Variants in KANSL1L observed in about 807,000 individuals in gnomAD.
The protein encoded by KANSL1L is KAT8 regulatory NSL complex subunit 1 like, also known as KAT8 regulatory NSL complex subunit 1-like protein.
A neutral mutation model predicts 108.6 loss-of-function variants in KANSL1L; 25 were observed. The ratio of observed to expected loss-of-function variants is 0.23; its 90% CI spans 0.17 to 0.32. The LOEUF is 0.32. KANSL1L is among the 10% of genes least tolerant of loss of function. The pLI is 1.00. For missense variants in KANSL1L, 1,137 were observed against 1,125.7 expected, an observed-to-expected ratio of 1.01 and a Z score of -0.14; for synonymous variants, 405 against 395.1, an observed-to-expected ratio of 1.03 and a Z score of -0.30.
intron 4 of KANSL1L, among the ~76,000 whole-genome samples, chr2:210,099,829 G>A (rs752694395): frequency 4.8e-4 from 73 of 152,098 alleles, no homozygotes; most frequent in Non-Finnish European, 7.8e-4. Context: ...TCACATACCC[G>A]AGTCATATGG....
At chr2:210,062,475 T>C (rs1166368072) in intron 6 of KANSL1L, among the ~76,000 whole-genome samples, 1 of 152,174 alleles carries the variant, frequency 6.6e-6, no homozygotes, top group Non-Finnish European at 1.5e-5. Flanking sequence ...ACTGGGAGGT[T>C]GGAACAGCTT....
rs575813060 is a variant in KANSL1L, at chr2:210,075,652, G to C, written c.1655C>G (p.Ser552Cys). The C allele has an allele frequency of 7.8e-5, 126 of 1,613,666 alleles. No homozygotes were observed. The Middle Eastern group carries it at 1.5e-3, about 19-fold the overall frequency. The change falls in exon 6 of 15, where the codon TCC becomes TGC. Residue 552 changes from serine (S) to cysteine (C), a missense_variant. Ser to Cys is a moderately radical substitution (Grantham distance 112, BLOSUM62 -1). Around this residue, in one of 3 missense-constraint regions of KANSL1L, gnomAD observed 575 missense variants for 567.1 expected, o/e 1.01. Transcript: ENST00000281772. ...GGCTGATGTACTCATGAAAGTCAAG[G>C]ATGAAGATTTCAGTCTTGTCCTGTC... Reference protein sequence around the residue: ...RKDRTRLKSSSLTFMSTSART... With the variant: ...RKDRTRLKSSCLTFMSTSART...
intron 3 of KANSL1L, among the ~76,000 whole-genome samples, chr2:210,124,093 C>G (rs1410831890): frequency 2.0e-5 from 3 of 152,018 alleles, no homozygotes; most frequent in South Asian, 2.1e-4. Context: ...TTAAGGGACA[C>G]AACAACTAGA....
chr2:210,162,991 C>A (rs542132077), intron 1 of KANSL1L, among the ~76,000 whole-genome samples: 1 of 152,172 alleles, frequency 6.6e-6, no homozygotes, highest in Non-Finnish European at 1.5e-5. Flanking sequence ...AGGGCACAGG[C>A]TCATTGAAAG....
At chr2:210,043,169 T>C (rs1297728667) in intron 7 of KANSL1L, among the ~76,000 whole-genome samples, 2 of 152,056 alleles carry the variant, frequency 1.3e-5, no homozygotes, top group African/African-American at 4.8e-5. Flanking sequence ...GAGGATCACG[T>C]GAGGCTAGAA....
chr2:210,026,035 ATAATCT>A (rs2093932467), intron 12 of KANSL1L, among the ~76,000 whole-genome samples: 2 of 152,348 alleles, frequency 1.3e-5, no homozygotes, highest in Admixed American at 1.3e-4. Context: ...AGTAAAACTA[ATAATCT>A]TAGACAAGTC....
intron 5 of KANSL1L, among the ~76,000 whole-genome samples, chr2:210,076,780 CTATCA>C (rs10586253): frequency 0.011 from 1,625 of 151,816 alleles, 22 homozygotes; most frequent in African/African-American, 0.035. Context: ...TTCATTTATA[CTATCA>C]TATTATATAT....
At chr2:210,150,674 T>C (rs897093093) in intron 2 of KANSL1L, among the ~76,000 whole-genome samples, 3 of 151,046 alleles carry the variant, frequency 2.0e-5, no homozygotes, top group African/African-American at 7.3e-5. Flanking sequence ...CCCAGCTACT[T>C]GGGAGGCTGA....
chr2:210,033,571 C>T (rs1223729167), intron 8 of KANSL1L, among the ~76,000 whole-genome samples: 1 of 152,158 alleles, frequency 6.6e-6, no homozygotes, highest in African/African-American at 2.4e-5. Context: ...GCTCTGTCTC[C>T]CAGGCTGGAG....
At chr2:210,140,859 T>C (rs532194616) in intron 2 of KANSL1L, among the ~76,000 whole-genome samples, 17 of 152,192 alleles carry the variant, frequency 1.1e-4, no homozygotes, top group Non-Finnish European at 1.8e-4. Context: ...TTCACCACCA[T>C]GGTTAAATTT....
chr2:210,028,747 G>C (rs995154010), intron 11 of KANSL1L, 98 bp downstream of exon 11: 5 of 896,368 alleles, frequency 5.6e-6, no homozygotes, highest in Non-Finnish European at 8.4e-6. Context: ...GGAACTGGGA[G>C]AAGGATGCTC....
intron 2 of KANSL1L, among the ~76,000 whole-genome samples, chr2:210,150,103 AGGCCAG>A (rs2095291747): frequency 1.3e-5 from 2 of 152,312 alleles, no homozygotes; most frequent in Admixed American, 1.3e-4. Context: ...ATAATGCAAG[AGGCCAG>A]AAGCCTACCT....
At chr2:210,111,740 AT>A (rs1455928310) in intron 3 of KANSL1L, among the ~76,000 whole-genome samples, 2 of 151,696 alleles carry the variant, frequency 1.3e-5, no homozygotes. Flanking sequence ...AAAAAATTTT[AT>A]TATTATTATA....
chr2:210,121,858 AGC>A, intron 3 of KANSL1L, among the ~76,000 whole-genome samples: 1 of 152,146 alleles, frequency 6.6e-6, no homozygotes. Context: ...ATACAAAATC[AGC>A]ATACAAAAAA....
At chr2:210,095,672 C>G (rs1387401025) in intron 5 of KANSL1L, among the ~76,000 whole-genome samples, 1 of 152,022 alleles carries the variant, frequency 6.6e-6, no homozygotes, top group African/African-American at 2.4e-5. Flanking sequence ...GTTTGTTTTA[C>G]ATGGTAGTTT....
At chr2:210,025,072 C>T (rs913289212) in intron 13 of KANSL1L, 32 bp downstream of exon 13, 2 of 1,349,276 alleles carry the variant, frequency 1.5e-6, no homozygotes, top group Admixed American at 3.4e-5. Flanking sequence ...CACATGGATT[C>T]TATGGCTTGG....
intron 2 of KANSL1L, among the ~76,000 whole-genome samples, chr2:210,143,468 GGTTT>G (rs2125600182): frequency 6.6e-6 from 1 of 152,150 alleles, no homozygotes; most frequent in South Asian, 2.1e-4. Flanking sequence ...GATAGGTAAA[GGTTT>G]ATTATTGCCT....
chr2:210,156,016 A>G (rs1327557121), intron 1 of KANSL1L, among the ~76,000 whole-genome samples: 1 of 152,190 alleles, frequency 6.6e-6, no homozygotes, highest in East Asian at 1.9e-4. Context: ...AAAAACGGTT[A>G]CTAGCAAAAT....
intron 5 of KANSL1L, among the ~76,000 whole-genome samples, chr2:210,084,700 G>A (rs1464232578): frequency 3.3e-5 from 5 of 151,518 alleles, no homozygotes; most frequent in South Asian, 2.1e-4. Flanking sequence ...TGCAACCTCC[G>A]GCTCCCAGGA....
Sources: allele counts gnomAD v4.1 joint callset (sites outside exome capture counted in the v4.1 genomes callset), GRCh38; gene constraint gnomAD v4.1.1; regional missense constraint gnomAD v4.1.1; transcripts MANE v1.5; gene names NCBI Gene and HGNC (gene_info 2026-07-23, HGNC 2026-07-21).